Variants in NTM observed in about 807,000 individuals in gnomAD.
NTM encodes IgLON family member 2.
Under a neutral mutation model 42.1 loss-of-function variants are expected in NTM, and 13 were observed. The ratio of observed to expected loss-of-function variants is 0.31; its 90% CI spans 0.20 to 0.49. NTM has a LOEUF of 0.49. Ranked by LOEUF, NTM falls within the 20% of genes least tolerant of loss-of-function variation. The probability of loss-of-function intolerance (pLI) is 0.99; values close to 1 mark genes in which losing one functional copy is unlikely to be tolerated. For missense variants in NTM, 373 were observed against 452.8 expected (o/e 0.82, Z 1.60); for synonymous variants, 187 against 179.2 (o/e 1.04, Z -0.35).
At chr11:131,560,238 G>A (rs965712431) in intron 1 of NTM, among the ~76,000 whole-genome samples, 2 of 152,162 alleles carry the variant, frequency 1.3e-5, no homozygotes, top group African/African-American at 4.8e-5. Flanking sequence ...TTCACGGAAG[G>A]CTAGGAGGTT....
At chr11:132,099,631 G>T (rs1417716277) in intron 2 of NTM, among the ~76,000 whole-genome samples, 1 of 152,188 alleles carries the variant, frequency 6.6e-6, no homozygotes, top group African/African-American at 2.4e-5. Flanking sequence ...CAGTGGTTCT[G>T]TTCCCTGAAA....
intron 1 of NTM, among the ~76,000 whole-genome samples, chr11:131,747,972 A>T (rs1396211576): frequency 1.3e-5 from 2 of 152,180 alleles, no homozygotes; most frequent in Non-Finnish European, 2.9e-5. Context: ...CGGGCACCAC[A>T]TAGCACCTGC....
chr11:131,485,904 G>C (rs983217938), intron 1 of NTM, among the ~76,000 whole-genome samples: 4 of 152,160 alleles, frequency 2.6e-5, no homozygotes, highest in Admixed American at 1.3e-4. Flanking sequence ...CCTAGGCAGG[G>C]AATGCAGTCC....
At chr11:131,966,136 A>G (rs183042726) in intron 2 of NTM, among the ~76,000 whole-genome samples, 1 of 152,332 alleles carries the variant, frequency 6.6e-6, no homozygotes, top group East Asian at 1.9e-4. Context: ...AAAAAATGAC[A>G]AAAATTCACT....
chr11:131,951,699 G>A (rs1434443257), intron 2 of NTM, among the ~76,000 whole-genome samples: 2 of 151,656 alleles, frequency 1.3e-5, no homozygotes, highest in Non-Finnish European at 2.9e-5. Flanking sequence ...GTGTGTGCCT[G>A]TATTCCCAGC....
intron 2 of NTM, among the ~76,000 whole-genome samples, chr11:131,997,911 C>G (rs1079522): frequency 1.3e-5 from 2 of 152,088 alleles, no homozygotes; most frequent in African/African-American, 4.8e-5. Context: ...AACCCTAAAG[C>G]CAGGCTCATA....
intron 1 of NTM, among the ~76,000 whole-genome samples, chr11:131,579,057 T>C (rs1019303172): frequency 1.3e-5 from 2 of 152,222 alleles, no homozygotes; most frequent in Non-Finnish European, 1.5e-5. Flanking sequence ...CAGCTAACAA[T>C]TGATGGGGAG....
intron 2 of NTM, among the ~76,000 whole-genome samples, chr11:132,106,023 T>C (rs1436442540): frequency 6.6e-6 from 1 of 152,102 alleles, no homozygotes; most frequent in Admixed American, 6.5e-5. Flanking sequence ...TGGCCTGGGA[T>C]CATGGGCTCC....
chr11:132,143,157 G>C (rs753068646), intron 2 of NTM, among the ~76,000 whole-genome samples: 1 of 152,016 alleles, frequency 6.6e-6, no homozygotes, highest in Non-Finnish European at 1.5e-5. Flanking sequence ...TTCATACCAG[G>C]GTCCTTTCCT....
intron 1 of NTM, among the ~76,000 whole-genome samples, chr11:131,576,575 C>T (rs951325070): frequency 1.3e-5 from 2 of 152,298 alleles, no homozygotes; most frequent in East Asian, 1.9e-4. Flanking sequence ...AACCCTTCAA[C>T]GACTGGCAAA....
At chr11:131,561,911 G>A (rs1592057541) in intron 1 of NTM, among the ~76,000 whole-genome samples, 1 of 152,208 alleles carries the variant, frequency 6.6e-6, no homozygotes, top group East Asian at 1.9e-4. Flanking sequence ...AAACAGACTG[G>A]ATTTATTTGA....
At chr11:131,785,798 G>A (rs1403619011) in intron 1 of NTM, among the ~76,000 whole-genome samples, 1 of 152,208 alleles carries the variant, frequency 6.6e-6, no homozygotes, top group African/African-American at 2.4e-5. Context: ...AGGACTAGGA[G>A]GGGACAGAAT....
chr11:132,124,610 C>CGTGT (rs373072343), intron 2 of NTM, among the ~76,000 whole-genome samples: 1 of 152,022 alleles, frequency 6.6e-6, no homozygotes, highest in Non-Finnish European at 1.5e-5. Flanking sequence ...TTTTTGTGTA[C>CGTGT]GTGTGTGTGT....
At chr11:132,273,024 T>G (rs1248615713) in intron 4 of NTM, among the ~76,000 whole-genome samples, 15 of 152,080 alleles carry the variant, frequency 9.9e-5, no homozygotes, top group Non-Finnish European at 2.1e-4. Flanking sequence ...TTTTTGTTTT[T>G]TGTAGATCCA....
At chr11:132,268,668 C>CTGTGTGTGTGTGTGTGTGTGTGTG (rs779978929) in intron 4 of NTM, among the ~76,000 whole-genome samples, 7 of 138,596 alleles carry the variant, frequency 5.1e-5, no homozygotes, top group African/African-American at 1.9e-4. Context: ...CTCTCTCTCT[C>CTGTGTGTGTGTGTGTGTGTGTGTG]TCTGTGTGTG....
At chr11:132,132,312 G>T (rs189714623) in intron 2 of NTM, among the ~76,000 whole-genome samples, 8 of 152,316 alleles carry the variant, frequency 5.3e-5, no homozygotes, top group African/African-American at 1.7e-4. Flanking sequence ...TTAAAATTGG[G>T]TCTATTTCTT....
intron 3 of NTM, among the ~76,000 whole-genome samples, chr11:132,199,197 C>T (rs2080777982): frequency 6.6e-6 from 1 of 152,112 alleles, no homozygotes; most frequent in African/African-American, 2.4e-5. Flanking sequence ...GAAACATCAG[C>T]AGGAGAAATC....
intron 7 of NTM, among the ~76,000 whole-genome samples, chr11:132,318,726 G>C (rs1374771477): frequency 6.6e-6 from 1 of 152,108 alleles, no homozygotes; most frequent in Non-Finnish European, 1.5e-5. Context: ...AGCCAGGGAG[G>C]GGAATGCTTC....
At chr11:132,018,259 A>G (rs1265320500) in intron 2 of NTM, among the ~76,000 whole-genome samples, 1 of 151,504 alleles carries the variant, frequency 6.6e-6, no homozygotes, top group Non-Finnish European at 1.5e-5. Flanking sequence ...AACCTCTAAT[A>G]CAGTGTTGAA....
Sources: allele counts gnomAD v4.1 joint callset (sites outside exome capture counted in the v4.1 genomes callset), GRCh38; gene constraint gnomAD v4.1.1; transcripts MANE v1.5; gene names NCBI Gene and HGNC (gene_info 2026-07-23, HGNC 2026-07-21).